CDYL: variants seen among roughly 807,000 people sequenced by gnomAD.
CDYL encodes chromodomain Y like, also known as chromodomain Y-like protein.
Under a neutral mutation model 47.3 loss-of-function variants are expected in CDYL, and 8 were observed. The ratio of observed to expected loss-of-function variants is 0.17; its 90% confidence interval spans 0.10 to 0.31. The LOEUF (loss-of-function observed/expected upper bound fraction) is 0.31, where lower values mean the gene tolerates loss of function less well. Ranked by LOEUF, CDYL falls within the 10% of genes least tolerant of loss-of-function variation. The pLI, the probability that CDYL is intolerant of heterozygous loss-of-function variation, is 1.00. For missense variants in CDYL, 471 were observed against 701.4 expected, an observed-to-expected ratio of 0.67 and a Z score of 3.71; for synonymous variants, 266 against 265.0, an observed-to-expected ratio of 1.00 and a Z score of -0.04.
intron 1 of CDYL, among the ~76,000 whole-genome samples, chr6:4,861,493 A>G (rs1212443493): frequency 6.6e-6 from 1 of 152,248 alleles, no homozygotes; most frequent in Non-Finnish European, 1.5e-5. Context: ...CAAGAGGGCC[A>G]GTAAATCATG....
chr6:4,899,029 G>C (rs1163617907), intron 2 of CDYL, among the ~76,000 whole-genome samples: 1 of 152,184 alleles, frequency 6.6e-6, no homozygotes. Flanking sequence ...GGTGTACTTA[G>C]AAATCTGAGT....
intron 2 of CDYL, among the ~76,000 whole-genome samples, chr6:4,898,439 C>T (rs1762349998): frequency 6.6e-6 from 1 of 152,168 alleles, no homozygotes; most frequent in South Asian, 2.1e-4. Context: ...TATAGTGGGT[C>T]CATGCTAGAG....
intron 3 of CDYL, among the ~76,000 whole-genome samples, chr6:4,767,961 T>A (rs768699181): frequency 6.6e-5 from 10 of 152,226 alleles, no homozygotes; most frequent in Non-Finnish European, 1.2e-4. Context: ...AGAGCCAAAC[T>A]TTTAAAAAAT....
At chr6:4,885,911 CCT>C (rs1237515172) in intron 1 of CDYL, among the ~76,000 whole-genome samples, 5 of 152,112 alleles carry the variant, frequency 3.3e-5, no homozygotes, top group Non-Finnish European at 5.9e-5. Context: ...CCTATTTACC[CCT>C]GTTACCTTCC....
intron 2 of CDYL, among the ~76,000 whole-genome samples, chr6:4,901,847 C>T (rs1034189906): frequency 2.6e-5 from 4 of 152,108 alleles, no homozygotes; most frequent in African/African-American, 9.7e-5. Context: ...GGATCTGTGG[C>T]CTGAAGTTAC....
intron 1 of CDYL, among the ~76,000 whole-genome samples, chr6:4,854,210 G>C (rs1760937863): frequency 6.6e-6 from 1 of 152,234 alleles, no homozygotes; most frequent in African/African-American, 2.4e-5. Flanking sequence ...GAGCACACCA[G>C]TGTCTGGCTC....
At chr6:4,885,322 C>A (rs186894747) in intron 1 of CDYL, among the ~76,000 whole-genome samples, 7 of 152,282 alleles carry the variant, frequency 4.6e-5, no homozygotes, top group South Asian at 2.1e-4. Context: ...GTGTACCGTT[C>A]TGAGCAGGGT....
intron 2 of CDYL, among the ~76,000 whole-genome samples, chr6:4,899,472 G>T (rs1348515122): frequency 6.6e-6 from 1 of 152,154 alleles, no homozygotes; most frequent in Non-Finnish European, 1.5e-5. Flanking sequence ...AAAGAAAGTG[G>T]GGTTTCTAGG....
chr6:4,951,053 TG>T (rs1758687625), intron 5 of CDYL, among the ~76,000 whole-genome samples: 1 of 152,180 alleles, frequency 6.6e-6, no homozygotes, highest in Non-Finnish European at 1.5e-5. Context: ...CGCCTCTGCC[TG>T]TGTGCTCTCC....
At chr6:4,948,428 G>A (rs980870872) in intron 5 of CDYL, among the ~76,000 whole-genome samples, 8 of 152,150 alleles carry the variant, frequency 5.3e-5, no homozygotes, top group African/African-American at 1.7e-4. Flanking sequence ...CTGGTCAGCC[G>A]TGTTTCTCCC....
At chr6:4,893,497 A>T (rs563721982) in intron 2 of CDYL, among the ~76,000 whole-genome samples, 10 of 152,352 alleles carry the variant, frequency 6.6e-5, no homozygotes, top group African/African-American at 2.4e-4. Context: ...GTTCGAGACC[A>T]GCCTGGCCAA....
At chr6:4,935,969 A>C (rs143799929) in intron 3 of CDYL, among the ~76,000 whole-genome samples, 198 bp downstream of exon 3, 58 of 152,314 alleles carry the variant, frequency 3.8e-4, no homozygotes, top group Admixed American at 5.9e-4. Context: ...CCGTGAATTC[A>C]GGATGCTTGG....
chr6:4,895,092 T>C (rs912214959), intron 2 of CDYL, among the ~76,000 whole-genome samples: 1 of 151,554 alleles, frequency 6.6e-6, no homozygotes, highest in Non-Finnish European at 1.5e-5. Flanking sequence ...CACATATATG[T>C]ACATGTGTGT....
intron 1 of CDYL, among the ~76,000 whole-genome samples, chr6:4,799,538 C>CGAGA (rs1759168411): frequency 6.6e-6 from 1 of 152,034 alleles, no homozygotes; most frequent in Non-Finnish European, 1.5e-5. Context: ...TTCCACTTCT[C>CGAGA]AGGCTCAGAT....
rs142136607 is a variant in CDYL at position 4,711,809 on chromosome 6, A to G, written c.-38-3932A>G. Among the ~76,000 whole-genome samples, 653 of 152,296 alleles carry G rather than the reference A, an allele frequency of 4.3e-3. 11 individuals are homozygous for G. The highest frequency in any genetic ancestry group is 0.03 in the Admixed American group (462 of 15,286). On this transcript the variant is annotated intron_variant, in intron 1 of 8. Coordinates refer to the CDYL transcript ENST00000328908. ...GCTGGGCACAGTGGCTCATGCCTGT[A>G]ATCCCAACATTTTGGAAGGCTGGGG... is the stretch of plus-strand genomic sequence containing the variant.
intron 1 of CDYL, among the ~76,000 whole-genome samples, chr6:4,869,647 T>C (rs998016773): frequency 2.0e-5 from 3 of 152,228 alleles, no homozygotes; most frequent in Non-Finnish European, 4.4e-5. Flanking sequence ...GATTATAATA[T>C]GCATTTTAAT....
At chr6:4,900,371 C>T (rs1756987612) in intron 2 of CDYL, among the ~76,000 whole-genome samples, 1 of 152,118 alleles carries the variant, frequency 6.6e-6, no homozygotes, top group African/African-American at 2.4e-5. Flanking sequence ...GTATCCCTTA[C>T]CCAGATTCAC....
chr6:4,767,677 C>A (rs539799079), intron 3 of CDYL, among the ~76,000 whole-genome samples: 1 of 152,066 alleles, frequency 6.6e-6, no homozygotes, highest in Non-Finnish European at 1.5e-5. Context: ...TACAAAATTC[C>A]TTCAGCAAAT....
At chr6:4,844,548 A>G (rs1760598169) in intron 1 of CDYL, among the ~76,000 whole-genome samples, 1 of 152,188 alleles carries the variant, frequency 6.6e-6, no homozygotes, top group Admixed American at 6.5e-5. Context: ...GGGAGCTGCA[A>G]ATTAGTCCTG....
Sources: allele counts gnomAD v4.1 joint callset (sites outside exome capture counted in the v4.1 genomes callset), GRCh38; gene constraint gnomAD v4.1.1; transcripts MANE v1.5; gene names NCBI Gene and HGNC (gene_info 2026-07-23, HGNC 2026-07-21).